The following CYLD variants were observed in gnomAD, a reference collection of about 807,000 sequenced individuals.
CYLD encodes the protein CYLD lysine 63 deubiquitinase.
CYLD carries 26 observed loss-of-function variants against 104.5 expected under a neutral mutation model. The ratio of observed to expected loss-of-function variants is 0.25; its 90% CI spans 0.18 to 0.35. The LOEUF is 0.35. Ranked by LOEUF, CYLD falls within the 10% of genes least tolerant of loss-of-function variation. CYLD has a pLI of 1.00. For synonymous variants in CYLD, 385 were observed against 399.9 expected (o/e 0.96, Z 0.45); for missense variants, 703 against 1,136.1 (o/e 0.62, Z 5.48).
At chr16:50,770,097 A>C (rs1968982068) in intron 5 of CYLD, among the ~76,000 whole-genome samples, 1 of 152,212 alleles carries the variant, frequency 6.6e-6, no homozygotes, top group Admixed American at 6.5e-5. Flanking sequence ...TATTATGAAT[A>C]ATGCTTTTAT....
At chr16:50,742,534 T>C (rs1965789465) in intron 1 of CYLD, 3 of 343,674 alleles carry the variant, frequency 8.7e-6, no homozygotes, top group Non-Finnish European at 1.6e-5. Flanking sequence ...CGCGGGACGC[T>C]GTCCCCCTCC....
intron 5 of CYLD, among the ~76,000 whole-genome samples, chr16:50,758,135 G>C (rs1438863628): frequency 6.6e-6 from 1 of 152,154 alleles, no homozygotes; most frequent in Admixed American, 6.5e-5. Context: ...AGGAGGAAGG[G>C]AGCACTAGGT....
intron 7 of CYLD, among the ~76,000 whole-genome samples, chr16:50,777,562 A>G (rs928463119): frequency 1.1e-4 from 16 of 152,052 alleles, no homozygotes; most frequent in Admixed American, 6.6e-5. Flanking sequence ...CATTTTTTTT[A>G]AAAATGAGTG....
At chr16:50,762,671 TGGA>T (rs758412925) in intron 5 of CYLD, among the ~76,000 whole-genome samples, 17 of 152,350 alleles carry the variant, frequency 1.1e-4, no homozygotes, top group African/African-American at 3.8e-4. Context: ...GTAGAACAAT[TGGA>T]GGAGAATTGA....
chr16:50,756,126 TC>T (rs1418187149), intron 5 of CYLD, among the ~76,000 whole-genome samples: 4 of 152,360 alleles, frequency 2.6e-5, no homozygotes, highest in Admixed American at 2.6e-4. Flanking sequence ...AAATAGGATA[TC>T]CTTTACCCTC....
chr16:50,768,416 C>T (rs146166947), intron 5 of CYLD, among the ~76,000 whole-genome samples: 10 of 152,024 alleles, frequency 6.6e-5, no homozygotes, highest in Non-Finnish European at 1.0e-4. Context: ...TACCTTCATC[C>T]GTGAAACAAA....
At chr16:50,795,302 G>A (rs1971916346) in intron 18 of CYLD, among the ~76,000 whole-genome samples, 1 of 152,216 alleles carries the variant, frequency 6.6e-6, no homozygotes, top group South Asian at 2.1e-4. Flanking sequence ...TCTTCTGCAT[G>A]TAGTATCTTT....
intron 5 of CYLD, among the ~76,000 whole-genome samples, chr16:50,754,754 T>C (rs1413628121): frequency 6.6e-6 from 1 of 151,808 alleles, no homozygotes; most frequent in East Asian, 1.9e-4. Context: ...TGAGTTATTA[T>C]ACTTCTCTTA....
chr16:50,786,630 C>G, intron 12 of CYLD: 1 of 466,794 alleles, frequency 2.1e-6, no homozygotes, highest in East Asian at 4.0e-5. Context: ...TGTGGTGGTG[C>G]ACGCCTGTAA....
chr16:50,742,739 G>GC (rs1965818776), intron 1 of CYLD, 23 bp from the exon 2 acceptor site: 1 of 398,770 alleles, frequency 2.5e-6, no homozygotes, highest in African/African-American at 2.1e-5. Flanking sequence ...CTTGTTAATG[G>GC]CGTGTTCTGC....
intron 5 of CYLD, among the ~76,000 whole-genome samples, chr16:50,757,169 A>G (rs1967346892): frequency 6.6e-6 from 1 of 151,852 alleles, no homozygotes; most frequent in African/African-American, 2.4e-5. Flanking sequence ...GGCTAATACT[A>G]GATGATTCTT....
chr16:50,777,638 A>G (rs954594076), intron 7 of CYLD, among the ~76,000 whole-genome samples, 187 bp from the exon 8 acceptor site: 2 of 152,096 alleles, frequency 1.3e-5, no homozygotes, highest in Non-Finnish European at 2.9e-5. Flanking sequence ...AATATTTTTA[A>G]TATTGTCAAA....
In CYLD at chr16:50,796,407, C is replaced by G; in HGVS notation, c.2770C>G (p.His924Asp). 1 of 1,614,044 alleles carries G rather than the reference C, an allele frequency of 6.2e-7. No individual in the cohort carries two copies. Among genetic ancestry groups the G allele is most frequent in the Non-Finnish European group, 8.5e-7 (1 of 1,179,948 alleles). The change falls in exon 19 of 19, where the codon CAT becomes GAT. Residue 924 changes from histidine (H) to aspartate (D), a missense_variant. Physicochemically the swap from His to Asp is moderately conservative, Grantham distance 81. Transcript: ENST00000427738. ...EYLKMSLEDLHSLDSRRIQGC... is the reference protein window; with the variant it reads ...EYLKMSLEDLDSLDSRRIQGC... ...CTTGAAGATGTCTCTGGAAGACCTG[C>G]ATTCCTTGGACTCCAGGAGAATCCA...
intron 4 of CYLD, among the ~76,000 whole-genome samples, chr16:50,752,483 T>C (rs1301313344): frequency 6.6e-6 from 1 of 152,090 alleles, no homozygotes; most frequent in East Asian, 1.9e-4. Flanking sequence ...TCTCATAGGA[T>C]TTCATTCATT....
chr16:50,765,402 T>G (rs1336409529), intron 5 of CYLD, among the ~76,000 whole-genome samples: 1 of 152,206 alleles, frequency 6.6e-6, no homozygotes, highest in Admixed American at 6.5e-5. Context: ...ATGTTGTGTG[T>G]ATTCTGACTG....
At position 50,782,480 on chromosome 16, in the gene CYLD, G is replaced by C. The variant is rs1447317542; in HGVS notation, c.1826+14G>C. On this transcript the variant is annotated intron_variant, in intron 11 of 18. Coordinates refer to ENST00000427738, the MANE Select transcript of CYLD (RefSeq NM_001378743.1). Reference sequence around the variant, plus strand: ...AACCTTATTCTGGTAAGTTTAAAAAGAATGCAATAGGTATAGATAGTGCCA... The same window carrying C: ...AACCTTATTCTGGTAAGTTTAAAAACAATGCAATAGGTATAGATAGTGCCA... 1.2e-6 allele frequency: 2 copies of C among 1,613,396 alleles called. No individual in the cohort carries two copies. Among genetic ancestry groups the C allele is most frequent in the Non-Finnish European group, 1.7e-6 (2 of 1,179,422 alleles).
intron 5 of CYLD, among the ~76,000 whole-genome samples, chr16:50,765,336 A>G (rs915276971): frequency 2.0e-5 from 3 of 152,128 alleles, no homozygotes; most frequent in Non-Finnish European, 4.4e-5. Flanking sequence ...GACTATTGAA[A>G]TTGTTTTAAG....
At chr16:50,746,940 T>A (rs189268857) in intron 2 of CYLD, among the ~76,000 whole-genome samples, 49 of 152,298 alleles carry the variant, frequency 3.2e-4, no homozygotes, top group Non-Finnish European at 5.9e-4. Context: ...AAAGCAATTA[T>A]TAAGATTCAG....
chr16:50,800,120 G>C lies in CYLD; in HGVS notation c.*3612G>C, dbSNP rs1429304417. 4.3e-6 allele frequency: 1 copy of C among 233,014 alleles called. No homozygotes were observed. Among genetic ancestry groups the C allele is most frequent in the East Asian group, 6.0e-5 (1 of 16,582 alleles). The allele number at this position is 233,014 out of a possible 1,614,324, so 14.4% of individuals were successfully genotyped here. A position where few individuals can be genotyped will look rare whatever the true frequency, so the allele number is the denominator to read the frequency against. Reference sequence around the variant, plus strand: ...TTCTGTCACTTGCTCTGTACACTTAGACAACAGCTTGACCTCTTGAGCTTT... The same window carrying C: ...TTCTGTCACTTGCTCTGTACACTTACACAACAGCTTGACCTCTTGAGCTTT... On this transcript the variant is annotated 3_prime_UTR_variant, in exon 19 of 19. Transcript: ENST00000427738.
Sources: allele counts gnomAD v4.1 joint callset (sites outside exome capture counted in the v4.1 genomes callset), GRCh38; gene constraint gnomAD v4.1.1; transcripts MANE v1.5; gene names NCBI Gene and HGNC (gene_info 2026-07-23, HGNC 2026-07-21).